Variants in LMBR1 observed in about 807,000 individuals in gnomAD.
LMBR1 encodes limb region 1 protein homolog.
LMBR1 carries 52 observed loss-of-function variants against 73.9 expected under a neutral mutation model. The ratio of observed to expected loss-of-function variants is 0.70; its 90% CI spans 0.56 to 0.89. The LOEUF is 0.89. Ranked by LOEUF, LMBR1 falls within the 40% of genes least tolerant of loss-of-function variation. The pLI is 0.00. For missense variants in LMBR1, 539 were observed against 579.8 expected, an observed-to-expected ratio of 0.93 and a Z score of 0.72; for synonymous variants, 215 against 209.4, an observed-to-expected ratio of 1.03 and a Z score of -0.23.
intron 4 of LMBR1, among the ~76,000 whole-genome samples, chr7:156,814,622 A>C (rs541143824): frequency 1.3e-5 from 2 of 152,252 alleles, no homozygotes; most frequent in Non-Finnish European, 2.9e-5. Context: ...GTGATTTTTA[A>C]AACCTCACCA....
chr7:156,806,597 G>GTTT (rs1563410330), intron 4 of LMBR1, among the ~76,000 whole-genome samples: 1 of 72,296 alleles, frequency 1.4e-5, no homozygotes, highest in African/African-American at 5.9e-5. Context: ...TTTTGTAGAT[G>GTTT]CTTTTTTTTT....
chr7:156,736,641 C>A (rs971920328), intron 9 of LMBR1: 5 of 456,222 alleles, frequency 1.1e-5, no homozygotes, highest in African/African-American at 1.0e-4. Flanking sequence ...ACACAAGTGT[C>A]TGAGCCACAC....
chr7:156,856,063 C>T (rs559790982), intron 1 of LMBR1, among the ~76,000 whole-genome samples: 8 of 151,976 alleles, frequency 5.3e-5, no homozygotes, highest in Middle Eastern at 6.8e-3. Flanking sequence ...GGTGTGGTGG[C>T]GGGTGCCTGT....
intron 1 of LMBR1, among the ~76,000 whole-genome samples, chr7:156,882,941 G>C (rs1445294093): frequency 6.6e-6 from 1 of 152,100 alleles, no homozygotes; most frequent in Middle Eastern, 3.2e-3. Context: ...TGAAGCAGGA[G>C]AATCACTTGA....
intron 5 of LMBR1, among the ~76,000 whole-genome samples, chr7:156,775,880 A>G (rs1046756435): frequency 1.3e-5 from 2 of 151,972 alleles, no homozygotes; most frequent in East Asian, 1.9e-4. Flanking sequence ...AAGAGCCCCA[A>G]TGCCAGAAGT....
chr7:156,744,871 C>T (rs866378879), intron 9 of LMBR1, among the ~76,000 whole-genome samples: 1 of 152,186 alleles, frequency 6.6e-6, no homozygotes, highest in Non-Finnish European at 1.5e-5. Context: ...TTTTCTAGCC[C>T]TTGAGGGCCA....
intron 1 of LMBR1, among the ~76,000 whole-genome samples, chr7:156,864,153 C>CA (rs969815088): frequency 1.7e-4 from 20 of 119,934 alleles, no homozygotes; most frequent in African/African-American, 5.0e-4. Flanking sequence ...CTCTGTCTCA[C>CA]AAAAAAAATA....
intron 5 of LMBR1, among the ~76,000 whole-genome samples, chr7:156,794,531 C>T (rs558882852): frequency 1.2e-4 from 19 of 152,138 alleles, no homozygotes; most frequent in Admixed American, 5.2e-4. Flanking sequence ...GGTTAATTCA[C>T]AAGAAGGGAA....
rs533755535 is a variant in LMBR1, at chr7:156,761,916, G to A, written c.684+218C>T. Among the ~76,000 whole-genome samples, 9 of 146,454 alleles carry A rather than the reference G, an allele frequency of 6.1e-5. No homozygotes were observed. In the South Asian group the frequency reaches 1.9e-3, roughly 31 times the overall value. On this transcript the variant is annotated intron_variant, in intron 8 of 16. Transcript: ENST00000353442. ...GGTGTGAACCCAGGGGGCGGAGCCT[G>A]CAGTGAGCCGAGATCGCACCACTGC...
chr7:156,787,053 T>A (rs2133262907), intron 5 of LMBR1, among the ~76,000 whole-genome samples: 1 of 152,318 alleles, frequency 6.6e-6, no homozygotes, highest in Non-Finnish European at 1.5e-5. Flanking sequence ...ACAGATGAGC[T>A]CGCAGGGGAG....
At chr7:156,728,033 G>C (rs200358109) in intron 11 of LMBR1, 26 bp from the exon 12 acceptor site, 1 of 1,566,242 alleles carries the variant, frequency 6.4e-7, no homozygotes, top group East Asian at 2.2e-5. Flanking sequence ...CAAACTGTCA[G>C]CTCTCAAGAT....
rs1245017996 is a variant in LMBR1, at chr7:156,800,482, CA to C, written c.320-3991del. The stretch of plus-strand genomic sequence containing the variant: ...AAGCCTACTGTTAAGACTTGCTACT[CA>C]AAAAAAAAAAAAAAAAAGATTTTCA... On this transcript the variant is annotated intron_variant, in intron 4 of 16. Transcript: ENST00000353442. Among the ~76,000 whole-genome samples the C allele has an allele frequency of 4.0e-3, 328 of 81,028 alleles. 2 individuals are homozygous for C. The highest frequency in any genetic ancestry group is 0.01 in the South Asian group (23 of 2,228). 53.2% of individuals were successfully genotyped at this position (81,028 alleles called of 152,430 possible). A position where few individuals can be genotyped will look rare whatever the true frequency, so the allele number is the denominator to read the frequency against.
In LMBR1 at chr7:156,847,405, A is replaced by G. The variant is rs1215058914; in HGVS notation, c.67-10520T>C. ...GGGATTGCTTTTTAGATACAGCACC[A>G]AAGGCATGATCCATGAAAGAAAGAA... is the stretch of plus-strand genomic sequence containing the variant. On this transcript the variant is annotated intron_variant, in intron 1 of 16. Transcript: ENST00000353442. 2.6e-5 allele frequency among the ~76,000 whole-genome samples: 4 copies of G among 152,208 alleles called. No individual in the cohort carries two copies. In the East Asian group the frequency reaches 7.7e-4, roughly 29 times the overall value.
Position 156,707,376 on chromosome 7 carries a change from A to C in LMBR1, c.1225+16736T>G, listed in dbSNP as rs1386202389. 2.6e-5 allele frequency among the ~76,000 whole-genome samples: 4 copies of C among 152,194 alleles called. No individual in the cohort carries two copies. In the East Asian group the frequency reaches 7.7e-4, roughly 29 times the overall value. Reference sequence around the variant, plus strand: ...ACTGAGGCGGAGGGAATTCTTCCTAAGTCATTCTATGAGGCCCAAATCACT... The same window carrying C: ...ACTGAGGCGGAGGGAATTCTTCCTACGTCATTCTATGAGGCCCAAATCACT... On this transcript the variant is annotated intron_variant, in intron 15 of 16. Coordinates refer to ENST00000353442, the MANE Select transcript of LMBR1 (RefSeq NM_022458.4).
chr7:156,790,087 T>C (rs936136755), intron 5 of LMBR1, among the ~76,000 whole-genome samples: 2 of 152,084 alleles, frequency 1.3e-5, no homozygotes, highest in Non-Finnish European at 2.9e-5. Context: ...ATTAAACAAA[T>C]ACCTATTTTT....
At chr7:156,889,857 T>G (rs1430233840) in intron 1 of LMBR1, among the ~76,000 whole-genome samples, 1 of 152,118 alleles carries the variant, frequency 6.6e-6, no homozygotes, top group Admixed American at 6.6e-5. Flanking sequence ...GGTCTGTTAG[T>G]GCACACCTGT....
intron 1 of LMBR1, among the ~76,000 whole-genome samples, chr7:156,871,698 T>C (rs184346396): frequency 4.7e-4 from 71 of 152,352 alleles, no homozygotes; most frequent in East Asian, 4.6e-3. Context: ...AACAATCCTA[T>C]GATCATCTCA....
At position 156,682,151 on chromosome 7, in the gene LMBR1, C is replaced by T. The variant is rs1426042743; in HGVS notation, c.*1927G>A. Reference sequence around the variant, plus strand: ...GTACTCAGGGCTTACAAATCCAAAACTGGCTTAAGTCCTCGGATGGAGAGA... The same window carrying T: ...GTACTCAGGGCTTACAAATCCAAAATTGGCTTAAGTCCTCGGATGGAGAGA... On this transcript the variant is annotated 3_prime_UTR_variant, in exon 17 of 17. Transcript: ENST00000353442. 1 of 152,280 alleles carries T rather than the reference C, an allele frequency of 6.6e-6. No homozygotes were observed. The highest frequency in any genetic ancestry group is 6.5e-5 in the Admixed American group (1 of 15,294). 9.4% of individuals were successfully genotyped at this position (152,280 alleles called of 1,614,324 possible).
chr7:156,888,133 G>A (rs1251426405), intron 1 of LMBR1, among the ~76,000 whole-genome samples: 8 of 152,150 alleles, frequency 5.3e-5, no homozygotes, highest in Non-Finnish European at 8.8e-5. Flanking sequence ...CATAGAGGCC[G>A]GGCGTGGTGG....
Sources: gnomAD v4.1 joint callset for allele counts (sites outside exome capture counted in the v4.1 genomes callset) on GRCh38, gnomAD v4.1.1 for gene constraint, MANE v1.5 for transcripts, NCBI Gene and HGNC (gene_info 2026-07-23, HGNC 2026-07-21) for gene names.